The following NUDT9 variants were observed in gnomAD, a reference collection of about 807,000 sequenced individuals.
The protein encoded by NUDT9 is ADP-ribose pyrophosphatase.
NUDT9 carries 31 observed loss-of-function variants against 41.0 expected under a neutral mutation model. The ratio of observed to expected loss-of-function variants is 0.76; its 90% confidence interval spans 0.57 to 1.02. The LOEUF is 1.02. Among genes scored for constraint, NUDT9 ranks in the 50% least tolerant of loss-of-function variants. NUDT9 has a pLI of 0.00. For synonymous variants in NUDT9, 146 were observed against 147.6 expected, an observed-to-expected ratio of 0.99 and a Z score of 0.08; for missense variants, 380 against 431.4, an observed-to-expected ratio of 0.88 and a Z score of 1.06.
chr4:87,449,526 C>T (rs973996640), intron 5 of NUDT9, among the ~76,000 whole-genome samples: 2 of 152,202 alleles, frequency 1.3e-5, no homozygotes, highest in East Asian at 3.9e-4. Context: ...GGCCGTTCTA[C>T]TTGCAGCTGG....
At chr4:87,432,513 C>G (rs1186085056) in intron 1 of NUDT9, among the ~76,000 whole-genome samples, 2 of 151,902 alleles carry the variant, frequency 1.3e-5, no homozygotes, top group African/African-American at 4.8e-5. Context: ...GCTAGAACTT[C>G]TATTTCTTTC....
At chr4:87,430,750 T>C (rs946890615) in intron 1 of NUDT9, among the ~76,000 whole-genome samples, 4 of 152,216 alleles carry the variant, frequency 2.6e-5, no homozygotes, top group Non-Finnish European at 5.9e-5. Context: ...GAAATGTCTA[T>C]TGGAGTCCTT....
Position 87,441,862 on chromosome 4 carries a change from G to C in NUDT9, c.477G>C (p.Arg159=). 1 of 1,613,666 alleles carries C rather than the reference G, an allele frequency of 6.2e-7. No homozygotes were observed. ...NPAGRTGLVG[R]GLLGRWGPNH... is the part of the protein sequence containing the mutation. ...CAGGACGGACTGGACTGGTGGGCCG[G>C]GGGCTTTTGGGGCGATGGGGCCCAA... The change falls in exon 4 of 8, where the codon CGG becomes CGC. Residue 159 remains arginine, a synonymous_variant. Coordinates refer to ENST00000302174, the MANE Select transcript of NUDT9 (RefSeq NM_024047.5).
chr4:87,432,699 A>C (rs1721738470), intron 1 of NUDT9, among the ~76,000 whole-genome samples: 1 of 151,472 alleles, frequency 6.6e-6, no homozygotes, highest in South Asian at 2.1e-4. Context: ...AGTTTGTTGA[A>C]TATTCTTAAA....
chr4:87,447,168 T>A (rs773013855), intron 4 of NUDT9, among the ~76,000 whole-genome samples: 28 of 152,228 alleles, frequency 1.8e-4, no homozygotes, highest in Admixed American at 5.2e-4. Context: ...GAACACATTA[T>A]TTTATTTTAT....
intron 1 of NUDT9, among the ~76,000 whole-genome samples, chr4:87,426,382 A>T (rs1721417388): frequency 6.6e-6 from 1 of 150,936 alleles, no homozygotes; most frequent in Non-Finnish European, 1.5e-5. Context: ...TGGTAAACTT[A>T]TTTACCTCTC....
chr4:87,425,184 T>C (rs1721353060), intron 1 of NUDT9, among the ~76,000 whole-genome samples: 1 of 151,764 alleles, frequency 6.6e-6, no homozygotes, highest in African/African-American at 2.4e-5. Flanking sequence ...AGCAAGACCC[T>C]TGTCTCTAAA....
At chr4:87,435,767 TTTTATG>T (rs1721903790) in intron 2 of NUDT9, among the ~76,000 whole-genome samples, 1 of 152,138 alleles carries the variant, frequency 6.6e-6, no homozygotes, top group Non-Finnish European at 1.5e-5. Flanking sequence ...TTGATTAACA[TTTTATG>T]TTTATGTTTC....
intron 4 of NUDT9, among the ~76,000 whole-genome samples, chr4:87,446,247 CTTTTT>C (rs386400738): frequency 8.0e-6 from 1 of 124,234 alleles, no homozygotes; most frequent in Non-Finnish European, 1.6e-5. Flanking sequence ...CTTATCTTTC[CTTTTT>C]TTTTTTTTTT....
chr4:87,443,670 T>G (rs1722316781), intron 4 of NUDT9, among the ~76,000 whole-genome samples: 1 of 152,214 alleles, frequency 6.6e-6, no homozygotes, highest in African/African-American at 2.4e-5. Flanking sequence ...CAAGAAAGGC[T>G]TTATAAAGCA....
At chr4:87,454,227 T>A (rs1044258325) in intron 6 of NUDT9, 144 bp from the exon 7 acceptor site, 7 of 518,924 alleles carry the variant, frequency 1.3e-5, no homozygotes, top group Non-Finnish European at 2.4e-5. Flanking sequence ...TCTAAACTGT[T>A]GAAGGTACAG....
chr4:87,451,707 A>G lies in NUDT9; in HGVS notation c.761A>G (p.His254Arg), dbSNP rs1722718613. 1 of 1,613,944 alleles carries G rather than the reference A, an allele frequency of 6.2e-7. No homozygotes were observed. The highest frequency in any genetic ancestry group is 8.5e-7 in the Non-Finnish European group (1 of 1,179,932). The change falls in exon 6 of 8, where the codon CAC (histidine) becomes CGC (arginine). Residue 254 changes from histidine (H) to arginine (R), a missense_variant. Transcript: ENST00000302174. ...AEKREIEEKL[H>R]KLFSQDHLVI... is the part of the protein sequence containing the mutation. ...AAGAGAGAAATAGAGGAAAAGTTGC[A>G]CAAACTCTTCAGCCAAGACCACCTA... is the stretch of plus-strand genomic sequence containing the variant.
chr4:87,452,764 A>T (rs1006098226), intron 6 of NUDT9, among the ~76,000 whole-genome samples: 1 of 151,438 alleles, frequency 6.6e-6, no homozygotes, highest in African/African-American at 2.4e-5. Context: ...TTTTAAAAAA[A>T]TACCTTACAA....
chr4:87,453,861 CTTT>C (rs533107265), intron 6 of NUDT9, among the ~76,000 whole-genome samples: 7 of 136,222 alleles, frequency 5.1e-5, no homozygotes, highest in Non-Finnish European at 1.6e-5. Context: ...TTCTTTCTTT[CTTT>C]TTTTTTTTTT....
chr4:87,439,984 T>C (rs888727005), intron 3 of NUDT9, among the ~76,000 whole-genome samples: 1 of 152,218 alleles, frequency 6.6e-6, no homozygotes. Flanking sequence ...ACTCCTCTCA[T>C]CTCAACCTGG....
chr4:87,432,241 CA>C (rs557168743), intron 1 of NUDT9, among the ~76,000 whole-genome samples: 62 of 152,234 alleles, frequency 4.1e-4, no homozygotes, highest in Non-Finnish European at 6.5e-4. Flanking sequence ...AGTCTAAACA[CA>C]AAATTCATTT....
In NUDT9 at chr4:87,422,699, G is replaced by C. The variant is rs534128119; in HGVS notation, c.-207G>C. Reference sequence around the variant, plus strand: ...TGGTCTGGATTTTTCTCGATGCACTGGGGAAAGCGGTGGACTCTTATCGTG... The same window carrying C: ...TGGTCTGGATTTTTCTCGATGCACTCGGGAAAGCGGTGGACTCTTATCGTG... On this transcript the variant is annotated 5_prime_UTR_variant, in exon 1 of 8. Coordinates refer to ENST00000302174, the MANE Select transcript of NUDT9 (RefSeq NM_024047.5). 1.5e-4 allele frequency: 64 copies of C among 439,886 alleles called. No homozygotes were observed. Among genetic ancestry groups the C allele is most frequent in the African/African-American group, 1.2e-3 (58 of 48,818 alleles). The allele number at this position is 439,886 out of a possible 1,614,324, so 27.2% of individuals were successfully genotyped here.
intron 6 of NUDT9, among the ~76,000 whole-genome samples, chr4:87,453,282 C>T (rs1186400718): frequency 5.9e-5 from 9 of 152,150 alleles, no homozygotes; most frequent in Middle Eastern, 3.4e-3. Context: ...TATAGATCTC[C>T]TTTGTTTAAC....
Position 87,438,391 on chromosome 4 carries a change from G to A in NUDT9, c.443+19G>A, listed in dbSNP as rs375664965. On this transcript the variant is annotated intron_variant, in intron 3 of 7. Coordinates refer to ENST00000302174, the MANE Select transcript of NUDT9 (RefSeq NM_024047.5). Reference sequence around the variant, plus strand: ...GACCGAGGTAGGTACTGGGAGCAGAGCATCTTACAATAATGAGTCACCAAA... The same window carrying A: ...GACCGAGGTAGGTACTGGGAGCAGAACATCTTACAATAATGAGTCACCAAA... 9.1e-5 allele frequency: 126 copies of A among 1,388,702 alleles called. No homozygotes were observed. The East Asian group carries it at 1.0e-3, about 11-fold the overall frequency. The allele number at this position is 1,388,702 out of a possible 1,614,324, so 86.0% of individuals were successfully genotyped here. A position where few individuals can be genotyped will look rare whatever the true frequency, so the allele number is the denominator to read the frequency against.
Sources: gnomAD v4.1 joint callset for allele counts (sites outside exome capture counted in the v4.1 genomes callset) on GRCh38, gnomAD v4.1.1 for gene constraint, MANE v1.5 for transcripts, NCBI Gene and HGNC (gene_info 2026-07-23, HGNC 2026-07-21) for gene names.